RAB3C: variants seen among roughly 807,000 people sequenced by gnomAD.
The protein encoded by RAB3C is ras-related protein Rab-3C.
In RAB3C, 17 loss-of-function variants were observed where a neutral mutation model predicts 26.4. That is an observed-to-expected ratio of 0.64 (90% CI 0.44 to 0.97). The LOEUF (loss-of-function observed/expected upper bound fraction) is 0.97, where lower values mean the gene tolerates loss of function less well. RAB3C is among the 50% of genes least tolerant of loss of function. RAB3C has a pLI of 0.00. For missense variants in RAB3C, 242 were observed against 281.9 expected, an observed-to-expected ratio of 0.86 and a Z score of 1.01; for synonymous variants, 91 against 95.9, an observed-to-expected ratio of 0.95 and a Z score of 0.30.
chr5:58,844,800 C>T (rs149261835), intron 4 of RAB3C, among the ~76,000 whole-genome samples: 609 of 152,004 alleles, frequency 4.0e-3, no homozygotes, highest in Non-Finnish European at 6.7e-3. Flanking sequence ...TATTTCCTCT[C>T]TACAGAAAAA....
chr5:58,645,300 T>C (rs2111775845), intron 2 of RAB3C, among the ~76,000 whole-genome samples: 1 of 152,350 alleles, frequency 6.6e-6, no homozygotes, highest in Admixed American at 6.5e-5. Context: ...AATTTTCTCT[T>C]GTACCTCTCC....
chr5:58,693,342 A>ATATATATATATATATATATG (rs1748615851), intron 2 of RAB3C, among the ~76,000 whole-genome samples: 2 of 137,660 alleles, frequency 1.5e-5, no homozygotes, highest in African/African-American at 6.0e-5. Context: ...ATGTGTATAT[A>ATATATATATATATATATATG]TATATATATA....
chr5:58,599,354 G>C (rs1746398929), intron 1 of RAB3C, among the ~76,000 whole-genome samples: 1 of 152,138 alleles, frequency 6.6e-6, no homozygotes, highest in Non-Finnish European at 1.5e-5. Context: ...TCTGAGCAGG[G>C]ACCAGGGCCT....
intron 1 of RAB3C, among the ~76,000 whole-genome samples, chr5:58,600,813 T>G (rs899556848): frequency 6.6e-6 from 1 of 152,158 alleles, no homozygotes; most frequent in Non-Finnish European, 1.5e-5. Flanking sequence ...TCACTTCCTC[T>G]TTCCTGATCT....
chr5:58,715,261 C>CT (rs1397876619), intron 2 of RAB3C, among the ~76,000 whole-genome samples: 2 of 151,612 alleles, frequency 1.3e-5, no homozygotes, highest in African/African-American at 4.8e-5. Context: ...TACTACTAGC[C>CT]TTTTCTCCAG....
At chr5:58,762,210 A>G (rs1172776442) in intron 3 of RAB3C, among the ~76,000 whole-genome samples, 2 of 152,184 alleles carry the variant, frequency 1.3e-5, no homozygotes, top group Non-Finnish European at 1.5e-5. Flanking sequence ...TGTGCAGCAC[A>G]TTGCAATTTG....
intron 3 of RAB3C, among the ~76,000 whole-genome samples, chr5:58,774,378 G>A (rs888853532): frequency 3.3e-5 from 5 of 152,064 alleles, no homozygotes; most frequent in East Asian, 1.9e-4. Flanking sequence ...CCTTTCTTCT[G>A]TACCTCTCTT....
intron 2 of RAB3C, among the ~76,000 whole-genome samples, chr5:58,666,757 G>A (rs191814952): frequency 2.0e-4 from 30 of 152,294 alleles, no homozygotes; most frequent in Non-Finnish European, 3.4e-4. Context: ...AAGAAACTGC[G>A]ACTTCTCTGA....
intron 3 of RAB3C, among the ~76,000 whole-genome samples, chr5:58,824,139 G>C (rs1007453457): frequency 6.6e-6 from 1 of 151,748 alleles, no homozygotes; most frequent in Non-Finnish European, 1.5e-5. Context: ...TGGACATTTG[G>C]GTTGGTTCCA....
At chr5:58,712,894 G>A (rs1023582250) in intron 2 of RAB3C, among the ~76,000 whole-genome samples, 35 of 152,038 alleles carry the variant, frequency 2.3e-4, no homozygotes, top group African/African-American at 8.5e-4. Flanking sequence ...AAAACACAAG[G>A]TCAAATGGGT....
At chr5:58,763,576 A>G (rs1741839258) in intron 3 of RAB3C, among the ~76,000 whole-genome samples, 1 of 152,220 alleles carries the variant, frequency 6.6e-6, no homozygotes, top group South Asian at 2.1e-4. Flanking sequence ...TCAAATGCAC[A>G]TTATAAAAGT....
At chr5:58,755,351 A>G (rs1276165932) in intron 3 of RAB3C, among the ~76,000 whole-genome samples, 1 of 152,160 alleles carries the variant, frequency 6.6e-6, no homozygotes, top group Non-Finnish European at 1.5e-5. Context: ...ATCTGTTTTT[A>G]TTTGACATAG....
intron 3 of RAB3C, among the ~76,000 whole-genome samples, chr5:58,792,714 G>A (rs975652759): frequency 1.3e-5 from 2 of 151,912 alleles, no homozygotes; most frequent in Admixed American, 1.3e-4. Flanking sequence ...TTGTGATGTG[G>A]AATGAATAAT....
chr5:58,790,065 C>T (rs1243891016), intron 3 of RAB3C, among the ~76,000 whole-genome samples: 1 of 152,196 alleles, frequency 6.6e-6, no homozygotes, highest in Non-Finnish European at 1.5e-5. Context: ...AACGGCCTCT[C>T]CTAAAGTCTA....
upstream of RAB3C, chr5:58,583,067 AC>A: frequency 6.6e-7 from 1 of 1,505,916 alleles, no homozygotes; most frequent in South Asian, 1.3e-5. Flanking sequence ...CCAGGAGAGG[AC>A]AGCTCCAGTG....
intron 2 of RAB3C, among the ~76,000 whole-genome samples, chr5:58,655,828 C>T (rs994441501): frequency 1.7e-4 from 23 of 136,128 alleles, no homozygotes; most frequent in African/African-American, 6.1e-4. Flanking sequence ...CGGAGTCTCG[C>T]TCTGTCACCC....
In RAB3C at chr5:58,603,890, A is replaced by G. The variant is rs544744242; in HGVS notation, c.25-13753A>G. Among the ~76,000 whole-genome samples the G allele has an allele frequency of 5.9e-5, 9 of 152,262 alleles. No individual in the cohort carries two copies. In the East Asian group the frequency reaches 1.2e-3, roughly 20 times the overall value. ...GGGTGTTGAAGAGCCTTGTTTTGTC[A>G]TATTATGAGGGTTGGTTTTCTGGTT... is the stretch of plus-strand genomic sequence containing the variant. On this transcript the variant is annotated intron_variant, in intron 1 of 4. Coordinates refer to ENST00000282878, the MANE Select transcript of RAB3C (RefSeq NM_138453.4).
At chr5:58,695,749 C>T (rs920939425) in intron 2 of RAB3C, among the ~76,000 whole-genome samples, 5 of 152,130 alleles carry the variant, frequency 3.3e-5, no homozygotes, top group Non-Finnish European at 5.9e-5. Flanking sequence ...TATAGGAATG[C>T]TTGTGTTTTT....
At chr5:58,635,631 T>C (rs908813032) in intron 2 of RAB3C, among the ~76,000 whole-genome samples, 5 of 152,196 alleles carry the variant, frequency 3.3e-5, no homozygotes, top group Non-Finnish European at 7.3e-5. Flanking sequence ...CCAGGGTTTG[T>C]ACATCGTCAG....
Sources: allele counts gnomAD v4.1 joint callset (sites outside exome capture counted in the v4.1 genomes callset), GRCh38; gene constraint gnomAD v4.1.1; transcripts MANE v1.5; gene names NCBI Gene and HGNC (gene_info 2026-07-23, HGNC 2026-07-21).